Variants in ICMT observed in about 807,000 individuals in gnomAD.
ICMT encodes protein-S-isoprenylcysteine O-methyltransferase.
Under a neutral mutation model 32.2 loss-of-function variants are expected in ICMT, and 10 were observed. That is an observed-to-expected ratio of 0.31 (90% confidence interval 0.19 to 0.53). The LOEUF (loss-of-function observed/expected upper bound fraction) is 0.53, where lower values mean the gene tolerates loss of function less well. Ranked by LOEUF, ICMT falls within the 20% of genes least tolerant of loss-of-function variation. The pLI is 0.96. For synonymous variants in ICMT, 183 were observed against 158.2 expected, an observed-to-expected ratio of 1.16 and a Z score of -1.18; for missense variants, 265 against 356.9, an observed-to-expected ratio of 0.74 and a Z score of 2.07.
rs1418967280 is a variant in ICMT at position 6,235,848 on chromosome 1, G to A, written c.64C>T (p.Leu22=). The change falls in exon 1 of 5, where the codon CTG becomes TTG. Residue 22 remains leucine, a synonymous_variant. Transcript: ENST00000343813. ...AGCGCGAGCACCGAGGCGCCCAGCA[G>A]GAAGGTGGCGAGGCTGAGACGCGCC... ...SEARLSLATF[L]LGASVLALPL... is the part of the protein sequence containing the mutation. The A allele has an allele frequency of 9.5e-6, 12 of 1,264,102 alleles. No individual in the cohort carries two copies. In the East Asian group the frequency reaches 1.6e-4, roughly 17 times the overall value. 78.3% of individuals were successfully genotyped at this position (1,264,102 alleles called of 1,614,324 possible).
Position 6,224,496 on chromosome 1 carries a change from A to C in ICMT, c.*584T>G, listed in dbSNP as rs1668609127. 1 of 152,334 alleles carries C rather than the reference A, an allele frequency of 6.6e-6. No homozygotes were observed. The highest frequency in any genetic ancestry group is 1.5e-5 in the Non-Finnish European group (1 of 68,138). The allele number at this position is 152,334 out of a possible 1,614,324, so 9.4% of individuals were successfully genotyped here. ...CCCCTTTGAATGTGTACTGCTACTT[A>C]TAAAAAATAGGTATGTAGCTATGAT... On this transcript the variant is annotated 3_prime_UTR_variant, in exon 5 of 5. Coordinates refer to ENST00000343813, the MANE Select transcript of ICMT (RefSeq NM_012405.4).
chr1:6,225,413 C>A, intron 4 of ICMT, 151 bp from the exon 5 acceptor site: 1 of 682,498 alleles, frequency 1.5e-6, no homozygotes, highest in Non-Finnish European at 2.4e-6. Flanking sequence ...TCACCTTAGC[C>A]CTGAGCACTC....
Position 6,235,900 on chromosome 1 carries a change from G to A in ICMT, c.12C>T (p.Cys4=). 3.6e-6 allele frequency: 4 copies of A among 1,120,798 alleles called. No homozygotes were observed. The highest frequency in any genetic ancestry group is 4.2e-5 in the South Asian group (1 of 23,558). 69.4% of individuals were successfully genotyped at this position (1,120,798 alleles called of 1,614,324 possible). A position where few individuals can be genotyped will look rare whatever the true frequency, so the allele number is the denominator to read the frequency against. The change falls in exon 1 of 5, where the codon TGC becomes TGT. Residue 4 remains cysteine (C), a synonymous_variant. Coordinates refer to ENST00000343813, the MANE Select transcript of ICMT (RefSeq NM_012405.4). MAG[C]AARAPPGSEA... ...CAGAGCCCGGCGGAGCCCGCGCCGC[G>A]CAGCCCGCCATGGCGCCGGGCGGCG...
chr1:6,231,766 C>A, intron 4 of ICMT, 136 bp downstream of exon 4: 1 of 588,652 alleles, frequency 1.7e-6, no homozygotes. Context: ...TAAAGGAGAC[C>A]AACAACCTCA....
chr1:6,228,569 C>T (rs1571224466), intron 4 of ICMT, among the ~76,000 whole-genome samples: 2 of 151,762 alleles, frequency 1.3e-5, no homozygotes, highest in South Asian at 4.2e-4. Context: ...GTCTTGATCT[C>T]CTGACCTCAT....
At chr1:6,226,753 T>A (rs1183454044) in intron 4 of ICMT, among the ~76,000 whole-genome samples, 1 of 152,210 alleles carries the variant, frequency 6.6e-6, no homozygotes, top group Non-Finnish European at 1.5e-5. Context: ...AATTTTATTA[T>A]TTTTTAAAGA....
chr1:6,225,531 C>CA (rs1411694420), intron 4 of ICMT, among the ~76,000 whole-genome samples: 1 of 152,158 alleles, frequency 6.6e-6, no homozygotes, highest in East Asian at 1.9e-4. Flanking sequence ...CTTGGGGTGA[C>CA]AGCAATGCCC....
intron 4 of ICMT, among the ~76,000 whole-genome samples, chr1:6,229,608 G>A (rs760339476): frequency 3.9e-5 from 6 of 152,096 alleles, no homozygotes; most frequent in Admixed American, 6.5e-5. Context: ...GCAATGAGCC[G>A]AGATTGTGAC....
chr1:6,224,401 TAG>T lies in ICMT; in HGVS notation c.*677_*678del, dbSNP rs1286106393. Reference sequence around the variant, plus strand: ...CACAAAGCCACTCAGCCAAATCGTGTAGAGTTATCTAGGCTTACTTGCTGCAG... The same window carrying T: ...CACAAAGCCACTCAGCCAAATCGTGTAGTTATCTAGGCTTACTTGCTGCAG... On this transcript the variant is annotated 3_prime_UTR_variant, in exon 5 of 5. Transcript: ENST00000343813. 1.3e-5 allele frequency: 2 copies of T among 152,168 alleles called. No homozygotes were observed. The highest frequency in any genetic ancestry group is 2.1e-4 in the South Asian group (1 of 4,830). 9.4% of individuals were successfully genotyped at this position (152,168 alleles called of 1,614,324 possible). A position where few individuals can be genotyped will look rare whatever the true frequency, so the allele number is the denominator to read the frequency against.
chr1:6,228,927 G>A (rs913870650), intron 4 of ICMT, among the ~76,000 whole-genome samples: 6 of 151,962 alleles, frequency 3.9e-5, no homozygotes, highest in Admixed American at 6.6e-5. Flanking sequence ...AGCTACTCGC[G>A]GGGGCTGAGG....
In ICMT at chr1:6,221,986, G is replaced by T. The variant is rs1187151016; in HGVS notation, c.*3094C>A. The stretch of plus-strand genomic sequence containing the variant: ...TCGAGAAAATTGGTGATGTGGCCTT[G>T]GCAGCAAATACCCAGAAAGCCTTTA... On this transcript the variant is annotated 3_prime_UTR_variant, in exon 5 of 5. Coordinates refer to ENST00000343813, the MANE Select transcript of ICMT (RefSeq NM_012405.4). The T allele has an allele frequency of 6.6e-6, 1 of 152,196 alleles. No individual in the cohort carries two copies. Among genetic ancestry groups the T allele is most frequent in the Non-Finnish European group, 1.5e-5 (1 of 68,032 alleles). The allele number at this position is 152,196 out of a possible 1,614,324, so 9.4% of individuals were successfully genotyped here. A position where few individuals can be genotyped will look rare whatever the true frequency, so the allele number is the denominator to read the frequency against.
At position 6,234,950 on chromosome 1, in the gene ICMT, C is replaced by T. The variant is rs1183468507; in HGVS notation, c.220G>A (p.Gly74Arg). Residue 74 changes from glycine to arginine, a missense_variant, in exon 2 of 5, where the codon GGG becomes AGG. Physicochemically the swap from Gly to Arg is moderately radical, Grantham distance 125. This residue lies in a region of ICMT where 166 missense variants were observed against 264.3 expected (regional missense o/e 0.63). Transcript: ENST00000343813. ...YQIAIRACFL[G>R]FVFGCGTLLS... ...AGCGTGCCGCAGCCGAACACAAACC[C>T]CAGGAAACAAGCTCGGATGGCTATC... The T allele has an allele frequency of 6.2e-7, 1 of 1,613,962 alleles. No homozygotes were observed. The highest frequency in any genetic ancestry group is 1.7e-5 in the Admixed American group (1 of 60,006).
At chr1:6,227,251 A>G (rs1332250220) in intron 4 of ICMT, among the ~76,000 whole-genome samples, 1 of 152,234 alleles carries the variant, frequency 6.6e-6, no homozygotes, top group African/African-American at 2.4e-5. Flanking sequence ...GGAAGCAAGC[A>G]TTTATGGCAA....
intron 4 of ICMT, among the ~76,000 whole-genome samples, chr1:6,231,574 CA>C (rs904978474): frequency 2.0e-5 from 3 of 150,614 alleles, no homozygotes; most frequent in Non-Finnish European, 3.0e-5. Context: ...AGAAAACAAA[CA>C]AACAGAGGCA....
intron 4 of ICMT, among the ~76,000 whole-genome samples, chr1:6,227,809 T>C (rs1013696434): frequency 6.6e-6 from 1 of 150,866 alleles, no homozygotes; most frequent in African/African-American, 2.4e-5. Context: ...TGAGCCGAGA[T>C]TGCGCCACTG....
chr1:6,235,087 T>A, intron 1 of ICMT, 113 bp from the exon 2 acceptor site: 1 of 815,408 alleles, frequency 1.2e-6, no homozygotes, highest in Non-Finnish European at 2.0e-6. Context: ...GCCGATTTGC[T>A]GAGGTTGAAA....
At chr1:6,235,023 A>T (rs1261814426) in intron 1 of ICMT, 49 bp from the exon 2 acceptor site, 1 of 1,475,546 alleles carries the variant, frequency 6.8e-7, no homozygotes, top group Admixed American at 1.7e-5. Context: ...CTCAGAGTAC[A>T]GATCTGGGCT....
intron 4 of ICMT, among the ~76,000 whole-genome samples, chr1:6,231,464 T>G (rs919823571): frequency 1.3e-5 from 2 of 151,482 alleles, no homozygotes; most frequent in African/African-American, 4.9e-5. Flanking sequence ...GCTAGCACTT[T>G]GCGAGGCTGA....
rs1244492484 is a variant in ICMT, at chr1:6,221,244, A to ATCTGTG, written c.*3830_*3835dup. 2 of 152,662 alleles carry ATCTGTG rather than the reference A, an allele frequency of 1.3e-5. No homozygotes were observed. The highest frequency in any genetic ancestry group is 2.9e-5 in the Non-Finnish European group (2 of 68,046). 9.5% of individuals were successfully genotyped at this position (152,662 alleles called of 1,614,324 possible). On this transcript the variant is annotated 3_prime_UTR_variant, in exon 5 of 5. Transcript: ENST00000343813. Reference sequence around the variant, plus strand: ...TTAAGAACTGGAAAGAATAATCAGTATCTGTGAAAGAAAATCCAATTTAGA... The same window carrying ATCTGTG: ...TTAAGAACTGGAAAGAATAATCAGTATCTGTGTCTGTGAAAGAAAATCCAATTTAGA...
Sources: allele counts gnomAD v4.1 joint callset (sites outside exome capture counted in the v4.1 genomes callset), GRCh38; gene constraint gnomAD v4.1.1; regional missense constraint gnomAD v4.1.1; transcripts MANE v1.5; gene names NCBI Gene and HGNC (gene_info 2026-07-23, HGNC 2026-07-21).